The following TTC16 variants were observed in gnomAD, a reference collection of about 807,000 sequenced individuals.
The protein encoded by TTC16 is tetratricopeptide repeat domain 16, also known as tetratricopeptide repeat protein 16.
TTC16 carries 66 observed loss-of-function variants against 80.4 expected under a neutral mutation model. The observed-to-expected ratio is 0.82, with a 90% CI of 0.67 to 1.01. The LOEUF is 1.01. Among genes scored for constraint, TTC16 ranks in the 50% least tolerant of loss-of-function variants. The probability of loss-of-function intolerance (pLI) is 0.00; values close to 1 mark genes in which losing one functional copy is unlikely to be tolerated. For missense variants in TTC16, 1,070 were observed against 1,103.2 expected (o/e 0.97, Z 0.43); for synonymous variants, 438 against 451.3 (o/e 0.97, Z 0.37).
At chr9:127,729,738 A>T in intron 13 of TTC16, 70 bp downstream of exon 13, 3 of 1,459,674 alleles carry the variant, frequency 2.1e-6, no homozygotes, top group Non-Finnish European at 2.9e-6. Flanking sequence ...TCAGGGGTCG[A>T]AGACCGCTGG....
Position 127,722,193 on chromosome 9 carries a change from C to T in TTC16, c.658-926C>T, listed in dbSNP as rs1221752927. Reference sequence around the variant, plus strand: ...GCCTGGAGCCCAAGGCTGCTTATGCCGAAGCCCTGCCCCTAGCTCCTGCCA... The same window carrying T: ...GCCTGGAGCCCAAGGCTGCTTATGCTGAAGCCCTGCCCCTAGCTCCTGCCA... On this transcript the variant is annotated intron_variant, in intron 6 of 13. Coordinates refer to ENST00000373289, the MANE Select transcript of TTC16 (RefSeq NM_144965.3). The surrounding 1 kb of genome is among the most constrained non-coding windows in gnomAD (Gnocchi z 4.2). Among the ~76,000 whole-genome samples, 1 of 152,122 alleles carries T rather than the reference C, an allele frequency of 6.6e-6. No individual in the cohort carries two copies. The highest frequency in any genetic ancestry group is 1.5e-5 in the Non-Finnish European group (1 of 68,024).
At chr9:127,719,365 A>G (rs1170818107) in intron 4 of TTC16, among the ~76,000 whole-genome samples, 2 of 152,166 alleles carry the variant, frequency 1.3e-5, no homozygotes, top group African/African-American at 4.8e-5. Flanking sequence ...TCCTTTATCC[A>G]TAAGAGAAGC....
At position 127,727,067 on chromosome 9, in the gene TTC16, T is replaced by C. The variant is rs913033611; in HGVS notation, c.1523T>C (p.Met508Thr). The C allele has an allele frequency of 1.2e-6, 2 of 1,611,530 alleles. No homozygotes were observed. The highest frequency in any genetic ancestry group is 2.7e-5 in the African/African-American group (2 of 74,842). Residue 508 changes from methionine (M) to threonine (T), a missense_variant, in exon 11 of 14, where the codon ATG becomes ACG. By Grantham distance (81) the Met-to-Thr change is moderately conservative. Transcript: ENST00000373289. ...AHLARLQLEQMVEGSLQAGSP... is the reference protein window; with the variant it reads ...AHLARLQLEQTVEGSLQAGSP... Reference sequence around the variant, plus strand: ...CTGGCCAGGCTGCAGCTGGAGCAGATGGTGGAGGGCAGCCTGCAGGCCGGC... The same window carrying C: ...CTGGCCAGGCTGCAGCTGGAGCAGACGGTGGAGGGCAGCCTGCAGGCCGGC...
rs1210248243 is a variant in TTC16 at position 127,731,539 on chromosome 9, G to A, written c.*134G>A. The stretch of plus-strand genomic sequence containing the variant: ...GCAACAGTCCTCTGGTCCCACAGCT[G>A]AGTTTATTATACTTGTTTTCTTTTA... On this transcript the variant is annotated 3_prime_UTR_variant, in exon 14 of 14. Transcript: ENST00000373289. 3 of 1,448,262 alleles carry A rather than the reference G, an allele frequency of 2.1e-6. No homozygotes were observed. The highest frequency in any genetic ancestry group is 5.5e-5 in the Admixed American group (2 of 36,206). 89.7% of individuals were successfully genotyped at this position (1,448,262 alleles called of 1,614,324 possible). A position where few individuals can be genotyped will look rare whatever the true frequency, so the allele number is the denominator to read the frequency against.
Position 127,726,403 on chromosome 9 carries a change from AG to A in TTC16, c.1425+1del, listed in dbSNP as rs780322772. 1.7e-5 allele frequency: 27 copies of A among 1,591,550 alleles called. No individual in the cohort carries two copies. Among genetic ancestry groups the A allele is most frequent in the Admixed American group, 5.2e-5 (3 of 58,250 alleles). On this transcript the variant is annotated frameshift_variant and splice_region_variant, in exon 10 of 14. Coordinates refer to ENST00000373289, the MANE Select transcript of TTC16 (RefSeq NM_144965.3). LOFTEE classifies it high-confidence loss of function. ...CTGCTCCTCAACCCCAAGCAACCAAAGGTAGGTTCCTGCCACGTCAGGAGTG... is the reference window on the plus strand; with the variant it reads ...CTGCTCCTCAACCCCAAGCAACCAAAGTAGGTTCCTGCCACGTCAGGAGTG... ...TVLLLNPKQPKLSLLMTNLFP... is the reference protein window; with the variant it reads ...TVLLLNPKQPXLSLLMTNLFP...
chr9:127,719,752 C>A (rs918959837), intron 4 of TTC16, among the ~76,000 whole-genome samples: 7 of 152,342 alleles, frequency 4.6e-5, no homozygotes, highest in Non-Finnish European at 8.8e-5. Flanking sequence ...CTGGGCCTCC[C>A]AAAGTGCTGG....
Position 127,730,790 on chromosome 9 carries a change from C to T in TTC16, c.2007C>T (p.Pro669=), listed in dbSNP as rs777384307. The T allele has an allele frequency of 6.2e-6, 10 of 1,613,682 alleles. No individual in the cohort carries two copies. The highest frequency in any genetic ancestry group is 7.6e-6 in the Non-Finnish European group (9 of 1,180,048). The change falls in exon 14 of 14, where the codon CCC becomes CCT. Residue 669 remains proline, a synonymous_variant. Coordinates refer to ENST00000373289, the MANE Select transcript of TTC16 (RefSeq NM_144965.3). ...ACAGGGAGGCACTAAGCCATGGTCC[C>T]AGAAAAATCAAGGCCACCCAGGGCC... ...GNNREALSHG[P]RKIKATQGQR...
chr9:127,729,765 GC>G (rs943890111), intron 13 of TTC16, 97 bp downstream of exon 13: 18 of 1,113,994 alleles, frequency 1.6e-5, no homozygotes, highest in Middle Eastern at 2.6e-4. Flanking sequence ...TGTGCGTTCG[GC>G]CCCGCTGCTG....
intron 9 of TTC16, among the ~76,000 whole-genome samples, chr9:127,725,873 T>TAA (rs1383402985): frequency 2.6e-5 from 4 of 152,194 alleles, no homozygotes; most frequent in Non-Finnish European, 5.9e-5. Context: ...GTGCTGGGAT[T>TAA]ACAGGCGTGA....
chr9:127,723,112 C>T lies in TTC16; in HGVS notation c.658-7C>T. 2 of 1,609,178 alleles carry T rather than the reference C, an allele frequency of 1.2e-6. No individual in the cohort carries two copies. Among genetic ancestry groups the T allele is most frequent in the South Asian group, 2.2e-5 (2 of 91,022 alleles). ...GTGCCCCTGATGCCACCCATGGCCT[C>T]CTGCAGCCCCACCTCTGCTACCGGG... On this transcript the variant is annotated splice_polypyrimidine_tract_variant and splice_region_variant and intron_variant, in intron 6 of 13. Coordinates refer to ENST00000373289, the MANE Select transcript of TTC16 (RefSeq NM_144965.3).
intron 6 of TTC16, 48 bp from the exon 7 acceptor site, chr9:127,723,071 G>A (rs374274607): frequency 4.8e-5 from 76 of 1,589,708 alleles, no homozygotes; most frequent in Middle Eastern, 2.2e-4. Flanking sequence ...TCTAGGTCCC[G>A]TGGCTCAGTT....
At chr9:127,723,013 G>A (rs1300892170) in intron 6 of TTC16, 106 bp from the exon 7 acceptor site, 3 of 1,099,146 alleles carry the variant, frequency 2.7e-6, no homozygotes, top group Non-Finnish European at 4.0e-6. Flanking sequence ...AGGGATGTGA[G>A]GGGCACGGAG....
At chr9:127,726,828 AGCAAAC>A in intron 10 of TTC16, 136 bp from the exon 11 acceptor site, 3 of 747,148 alleles carry the variant, frequency 4.0e-6, no homozygotes, top group Non-Finnish European at 6.5e-6. Context: ...AAAACAAACA[AGCAAAC>A]AAAAAACATT....
chr9:127,726,850 A>G, intron 10 of TTC16, 120 bp from the exon 11 acceptor site: 1 of 1,063,798 alleles, frequency 9.4e-7, no homozygotes, highest in Non-Finnish European at 1.4e-6. Flanking sequence ...ACATTGCAAA[A>G]CTCTTCCTTC....
intron 10 of TTC16, 43 bp from the exon 11 acceptor site, chr9:127,726,927 G>T: frequency 6.2e-7 from 1 of 1,611,120 alleles, no homozygotes; most frequent in Non-Finnish European, 8.5e-7. Context: ...TCTGTCTGCT[G>T]CTCTGGCCCT....
At position 127,717,632 on chromosome 9, in the gene TTC16, G is replaced by C. The variant is rs1196968868; in HGVS notation, c.286G>C (p.Asp96His). ...RALHLDPQLVDFYALRAEAYL... is the reference protein window; with the variant it reads ...RALHLDPQLVHFYALRAEAYL... Reference sequence around the variant, plus strand: ...GCCTGGGTCCCCTCACCCTCAGGTGGACTTCTATGCCTTACGGGCTGAGGC... The same window carrying C: ...GCCTGGGTCCCCTCACCCTCAGGTGCACTTCTATGCCTTACGGGCTGAGGC... Residue 96 changes from aspartate to histidine, a missense_variant, in exon 4 of 14, where the codon GAC becomes CAC. Coordinates refer to ENST00000373289, the MANE Select transcript of TTC16 (RefSeq NM_144965.3). 5.0e-6 allele frequency: 8 copies of C among 1,613,522 alleles called. No individual in the cohort carries two copies. The East Asian group carries it at 1.1e-4, about 22-fold the overall frequency.
At chr9:127,726,787 CAAAAAAAAAA>C (rs55676226) in intron 10 of TTC16, among the ~76,000 whole-genome samples, 173 bp from the exon 11 acceptor site, 4 of 127,732 alleles carry the variant, frequency 3.1e-5, no homozygotes, top group Non-Finnish European at 5.3e-5. Context: ...GACTCTGTCT[CAAAAAAAAAA>C]AAAAAAAAAA....
At chr9:127,720,425 C>A in intron 6 of TTC16, 30 bp downstream of exon 6, 1 of 1,609,020 alleles carries the variant, frequency 6.2e-7, no homozygotes, top group Non-Finnish European at 8.5e-7. Flanking sequence ...CAGGGGCATG[C>A]CCCCCAACCT....
At position 127,724,752 on chromosome 9, in the gene TTC16, C is replaced by G. The variant is rs1843786372; in HGVS notation, c.1118-4C>G. 1.2e-6 allele frequency: 2 copies of G among 1,608,616 alleles called. No individual in the cohort carries two copies. The highest frequency in any genetic ancestry group is 4.5e-5 in the East Asian group (2 of 44,824). On this transcript the variant is annotated splice_region_variant and splice_polypyrimidine_tract_variant and intron_variant, in intron 8 of 13. Coordinates refer to ENST00000373289, the MANE Select transcript of TTC16 (RefSeq NM_144965.3). ...GTCCACTCACCCCCGCCTCCGGACC[C>G]TAGATTGCTTCTTCCAGCTGGGCAA... is the stretch of plus-strand genomic sequence containing the variant.
Sources: gnomAD v4.1 joint callset for allele counts (sites outside exome capture counted in the v4.1 genomes callset) on GRCh38, gnomAD v4.1.1 for gene constraint, Gnocchi (gnomAD v3.1) non-coding constraint, MANE v1.5 for transcripts, NCBI Gene and HGNC (gene_info 2026-07-23, HGNC 2026-07-21) for gene names.